Variants in TNFSF8 observed in about 807,000 individuals in gnomAD.
TNFSF8 encodes the protein tumor necrosis factor ligand superfamily member 8.
TNFSF8 carries 4 observed loss-of-function variants against 22.0 expected under a neutral mutation model. The observed-to-expected ratio is 0.18, with a 90% confidence interval of 0.09 to 0.42. The LOEUF (loss-of-function observed/expected upper bound fraction) is 0.42. TNFSF8 is among the 10% of genes least tolerant of loss of function. TNFSF8 has a pLI of 1.00. For synonymous variants in TNFSF8, 106 were observed against 112.5 expected (o/e 0.94, Z 0.37); for missense variants, 233 against 281.8 (o/e 0.83, Z 1.24).
intron 2 of TNFSF8, among the ~76,000 whole-genome samples, chr9:114,916,272 C>T (rs574870935): frequency 8.5e-5 from 13 of 152,206 alleles, no homozygotes; most frequent in African/African-American, 2.2e-4. Flanking sequence ...AGGGGGCTAC[C>T]GTGTCCTTAT....
Position 114,903,715 on chromosome 9 carries a change from A to T in TNFSF8, c.*216T>A. 7.6e-7 allele frequency: 1 copy of T among 1,310,526 alleles called. No homozygotes were observed. The highest frequency in any genetic ancestry group is 9.7e-7 in the Non-Finnish European group (1 of 1,032,354). 81.2% of individuals were successfully genotyped at this position (1,310,526 alleles called of 1,614,324 possible). A position where few individuals can be genotyped will look rare whatever the true frequency, so the allele number is the denominator to read the frequency against. On this transcript the variant is annotated 3_prime_UTR_variant, in exon 4 of 4. Coordinates refer to ENST00000223795, the MANE Select transcript of TNFSF8 (RefSeq NM_001244.4). ...TGTGGGGCTCTGCCCACCACACTAC[A>T]TTGCTTCCCTGCCTGCTATCTGAAA...
chr9:114,926,304 C>T (rs1277360879), intron 1 of TNFSF8, among the ~76,000 whole-genome samples: 1 of 152,074 alleles, frequency 6.6e-6, no homozygotes, highest in Non-Finnish European at 1.5e-5. Flanking sequence ...GTGGCGGGCA[C>T]CTGTAGTTCC....
chr9:114,911,535 T>C (rs761101175), intron 2 of TNFSF8, among the ~76,000 whole-genome samples: 3 of 152,268 alleles, frequency 2.0e-5, no homozygotes, highest in Non-Finnish European at 2.9e-5. Context: ...CTAAGCCAAC[T>C]AGTAATAGAG....
Position 114,902,240 on chromosome 9 carries a change from T to G in TNFSF8, c.*1691A>C, listed in dbSNP as rs1827726492. On this transcript the variant is annotated 3_prime_UTR_variant, in exon 4 of 4. Transcript: ENST00000223795. Reference sequence around the variant, plus strand: ...GTTTCTCAGAAGTCCTCCTCCCCACTTCCAGGGTCATCATTGTCTCTCAAC... The same window carrying G: ...GTTTCTCAGAAGTCCTCCTCCCCACGTCCAGGGTCATCATTGTCTCTCAAC... 2.0e-6 allele frequency: 2 copies of G among 985,290 alleles called. No homozygotes were observed. The highest frequency in any genetic ancestry group is 2.4e-6 in the Non-Finnish European group (2 of 829,920). 61.0% of individuals were successfully genotyped at this position (985,290 alleles called of 1,614,324 possible).
intron 2 of TNFSF8, 21 bp from the exon 3 acceptor site, chr9:114,905,920 C>G (rs1161420573): frequency 1.3e-6 from 2 of 1,564,372 alleles, no homozygotes; most frequent in East Asian, 2.2e-5. Context: ...GGAGACGATG[C>G]ATTAAAATGT....
intron 2 of TNFSF8, among the ~76,000 whole-genome samples, chr9:114,910,675 C>A (rs1475991910): frequency 6.6e-6 from 1 of 152,144 alleles, no homozygotes; most frequent in Non-Finnish European, 1.5e-5. Context: ...TGACTTCAGG[C>A]CCATGTGCTG....
At chr9:114,906,607 G>A (rs2131342113) in intron 2 of TNFSF8, among the ~76,000 whole-genome samples, 1 of 152,244 alleles carries the variant, frequency 6.6e-6, no homozygotes, top group Non-Finnish European at 1.5e-5. Context: ...AAACATCTTG[G>A]TGTTCAATTT....
intron 2 of TNFSF8, among the ~76,000 whole-genome samples, chr9:114,912,067 A>T (rs1827858693): frequency 6.6e-6 from 1 of 152,246 alleles, no homozygotes; most frequent in Non-Finnish European, 1.5e-5. Context: ...AATTTTAGAA[A>T]GTTAGACAGA....
intron 2 of TNFSF8, among the ~76,000 whole-genome samples, chr9:114,908,186 C>A (rs1166314917): frequency 6.6e-6 from 1 of 152,206 alleles, no homozygotes; most frequent in East Asian, 1.9e-4. Context: ...GGCAGAGACT[C>A]CTGTTTATAA....
chr9:114,928,126 C>A (rs1056570568), intron 1 of TNFSF8, among the ~76,000 whole-genome samples: 1 of 152,110 alleles, frequency 6.6e-6, no homozygotes, highest in African/African-American at 2.4e-5. Context: ...TCTAAGAAAT[C>A]ACAGCACACC....
At chr9:114,914,014 G>A (rs149808282) in intron 2 of TNFSF8, among the ~76,000 whole-genome samples, 6 of 152,336 alleles carry the variant, frequency 3.9e-5, no homozygotes, top group East Asian at 1.9e-4. Flanking sequence ...AGGGTATATT[G>A]AGAAGGCCCA....
Position 114,901,951 on chromosome 9 carries a change from C to T in TNFSF8, c.*1980G>A. The T allele has an allele frequency of 1.0e-6, 1 of 984,822 alleles. No individual in the cohort carries two copies. Among genetic ancestry groups the T allele is most frequent in the Non-Finnish European group, 1.2e-6 (1 of 829,454 alleles). The allele number at this position is 984,822 out of a possible 1,614,324, so 61.0% of individuals were successfully genotyped here. On this transcript the variant is annotated 3_prime_UTR_variant, in exon 4 of 4. Transcript: ENST00000223795. ...TTTTTTTCTTTTAAATCTTTTCTAG[C>T]TTTCCTTCTGACAAACTTTGCTGGA...
chr9:114,920,345 C>A (rs190601195), intron 1 of TNFSF8, among the ~76,000 whole-genome samples: 7 of 152,330 alleles, frequency 4.6e-5, no homozygotes, highest in Admixed American at 1.3e-4. Context: ...GTACAGCCAT[C>A]ATTGCAGAGG....
intron 1 of TNFSF8, among the ~76,000 whole-genome samples, chr9:114,929,802 G>T (rs1203556359): frequency 6.6e-6 from 1 of 150,926 alleles, no homozygotes; most frequent in Non-Finnish European, 1.5e-5. Flanking sequence ...TAAGATGATG[G>T]TCTAACAATA....
At chr9:114,911,050 A>T (rs1408962223) in intron 2 of TNFSF8, among the ~76,000 whole-genome samples, 2 of 152,138 alleles carry the variant, frequency 1.3e-5, no homozygotes, top group Non-Finnish European at 2.9e-5. Context: ...TAGAGGAGAC[A>T]CTCAGTAAAG....
chr9:114,893,886 C>G, exon 5 of TNFSF8: 1 of 545,208 alleles, frequency 1.8e-6, no homozygotes, highest in South Asian at 2.3e-5. Flanking sequence ...TCTCTGGGGC[C>G]AGGAAGTATT....
chr9:114,912,761 C>G (rs916919389), intron 2 of TNFSF8, among the ~76,000 whole-genome samples: 23 of 152,190 alleles, frequency 1.5e-4, no homozygotes, highest in Non-Finnish European at 2.9e-4. Flanking sequence ...AGAACCTAGT[C>G]TTGGATTAAT....
chr9:114,905,777 G>T (rs1481803715), intron 3 of TNFSF8, 51 bp downstream of exon 3: 1 of 1,415,562 alleles, frequency 7.1e-7, no homozygotes, highest in South Asian at 1.2e-5. Flanking sequence ...TTGCTGAAAA[G>T]CCACAGAAGC....
chr9:114,904,973 T>C (rs1393077721), intron 3 of TNFSF8, among the ~76,000 whole-genome samples: 1 of 152,206 alleles, frequency 6.6e-6, no homozygotes, highest in Non-Finnish European at 1.5e-5. Context: ...CCCCATGTGC[T>C]TATTAAGGGG....
Sources: allele counts gnomAD v4.1 joint callset (sites outside exome capture counted in the v4.1 genomes callset), GRCh38; gene constraint gnomAD v4.1.1; transcripts MANE v1.5; gene names NCBI Gene and HGNC (gene_info 2026-07-23, HGNC 2026-07-21).